The following GLIS3 variants were observed in gnomAD, a reference collection of about 807,000 sequenced individuals.
GLIS3 encodes GLIS family zinc finger 3.
Under a neutral mutation model 78.6 loss-of-function variants are expected in GLIS3, and 53 were observed. The observed-to-expected ratio is 0.67, with a 90% CI of 0.54 to 0.85. The LOEUF (loss-of-function observed/expected upper bound fraction) is 0.85, where lower values mean the gene tolerates loss of function less well. Ranked by LOEUF, GLIS3 falls within the 40% of genes least tolerant of loss-of-function variation. The pLI, the probability that GLIS3 is intolerant of heterozygous loss-of-function variation, is 0.00. For missense variants in GLIS3, 1,703 were observed against 1,231.1 expected (o/e 1.38, Z -5.74); for synonymous variants, 684 against 509.9 (o/e 1.34, Z -4.60).
the GLIS3 span, among the ~76,000 whole-genome samples, chr9:4,380,030 A>G: frequency 6.6e-6 from 1 of 152,180 alleles, no homozygotes; most frequent in African/African-American, 2.4e-5. Context: ...ACCATCCACA[A>G]GTCACCTACT....
the GLIS3 span, among the ~76,000 whole-genome samples, chr9:4,406,599 A>G: frequency 6.6e-6 from 1 of 152,226 alleles, no homozygotes; most frequent in East Asian, 1.9e-4. Flanking sequence ...TAAATTCAGT[A>G]AAGTTACAGG....
intron 6 of GLIS3, among the ~76,000 whole-genome samples, chr9:3,907,625 GAC>G (rs1009788837): frequency 1.2e-3 from 123 of 102,348 alleles, no homozygotes; most frequent in African/African-American, 4.1e-3. Flanking sequence ...CACACACACA[GAC>G]ACACACACAC....
the GLIS3 span, among the ~76,000 whole-genome samples, chr9:4,410,655 G>A: frequency 6.6e-6 from 1 of 152,186 alleles, no homozygotes; most frequent in Admixed American, 6.5e-5. Context: ...GGATGCTACA[G>A]AAATAGCAGC....
At position 4,140,943 on chromosome 9, in the gene GLIS3, C is replaced by T. The variant is rs137894873; in HGVS notation, c.389-15002G>A. ...CCTCCTGAGTAGCTGGGATTATCGG[C>T]GCGTGCCACCACGCTCAGCTAATTT... On this transcript the variant is annotated intron_variant, in intron 2 of 10. Transcript: ENST00000381971. 9.0e-3 allele frequency among the ~76,000 whole-genome samples: 1,371 copies of T among 152,132 alleles called. 21 individuals carry two copies. Among genetic ancestry groups the T allele is most frequent in the African/African-American group, 0.031 (1,282 of 41,504 alleles).
intron 4 of GLIS3, among the ~76,000 whole-genome samples, chr9:3,971,117 T>C (rs1332354886): frequency 1.3e-5 from 1 of 79,508 alleles, no homozygotes; most frequent in African/African-American, 4.5e-5. Flanking sequence ...GAAGGAAGGA[T>C]CGAAGGAAGG....
At chr9:4,470,652 G>A in the GLIS3 span, among the ~76,000 whole-genome samples, 1 of 151,944 alleles carries the variant, frequency 6.6e-6, no homozygotes, top group African/African-American at 2.4e-5. Context: ...ATATCATACT[G>A]AATGGGCAAA....
chr9:4,320,331 C>G (rs1817505656), intron 2 of GLIS3, among the ~76,000 whole-genome samples: 1 of 152,078 alleles, frequency 6.6e-6, no homozygotes, highest in Non-Finnish European at 1.5e-5. Flanking sequence ...AAAGTAAGAC[C>G]ATCACCTCTG....
At chr9:4,232,897 G>A (rs189864052) in intron 2 of GLIS3, among the ~76,000 whole-genome samples, 10 of 152,182 alleles carry the variant, frequency 6.6e-5, no homozygotes, top group African/African-American at 2.4e-4. Flanking sequence ...AGAGCAGACT[G>A]TTAATCTTAT....
intron 2 of GLIS3, among the ~76,000 whole-genome samples, chr9:4,314,205 T>C (rs1817405321): frequency 6.6e-6 from 1 of 152,238 alleles, no homozygotes; most frequent in Non-Finnish European, 1.5e-5. Context: ...TGTGAAATGA[T>C]ACTTAATACA....
At chr9:4,464,375 A>G in the GLIS3 span, among the ~76,000 whole-genome samples, 6 of 151,196 alleles carry the variant, frequency 4.0e-5, no homozygotes, top group East Asian at 1.2e-3. Context: ...TTTATTTTTT[A>G]TAATTTTATT....
chr9:4,394,029 A>G, the GLIS3 span, among the ~76,000 whole-genome samples: 1 of 152,170 alleles, frequency 6.6e-6, no homozygotes, highest in Non-Finnish European at 1.5e-5. Context: ...TAGAATTTGG[A>G]CTTGCTGAAC....
intron 2 of GLIS3, among the ~76,000 whole-genome samples, chr9:4,336,292 C>T (rs186585679): frequency 6.6e-6 from 1 of 152,314 alleles, no homozygotes; most frequent in East Asian, 1.9e-4. Context: ...TGAATACTTT[C>T]AGAGATCTCT....
chr9:4,438,660 G>A, the GLIS3 span, among the ~76,000 whole-genome samples: 1 of 152,322 alleles, frequency 6.6e-6, no homozygotes, highest in South Asian at 2.1e-4. Flanking sequence ...GACAGGTGAA[G>A]ATAATTGAGT....
At chr9:3,890,748 AAAC>A (rs752425739) in intron 7 of GLIS3, among the ~76,000 whole-genome samples, 227 of 149,482 alleles carry the variant, frequency 1.5e-3, no homozygotes, top group Non-Finnish European at 2.5e-3. Flanking sequence ...AAAACAAACC[AAAC>A]AACAACAACA....
At chr9:4,316,566 G>T (rs1404609871) in intron 2 of GLIS3, among the ~76,000 whole-genome samples, 3 of 152,110 alleles carry the variant, frequency 2.0e-5, no homozygotes, top group African/African-American at 2.4e-5. Context: ...GTTTTCTCTG[G>T]GTACTCCGGT....
rs182194286 is a variant in GLIS3 at position 3,909,161 on chromosome 9, C to T, written c.1984-10326G>A. On this transcript the variant is annotated intron_variant, in intron 6 of 10. Coordinates refer to ENST00000381971, the MANE Select transcript of GLIS3 (RefSeq NM_001042413.2). ...TTCCCCAGAGGGTTAAGGTTTATTA[C>T]TAGAACATTCTCATCAAGTGTTCTC... Among the ~76,000 whole-genome samples the T allele has an allele frequency of 6.7e-4, 102 of 152,326 alleles. 1 individual carries two copies. Among genetic ancestry groups the T allele is most frequent in the Non-Finnish European group, 1.1e-3 (76 of 68,022 alleles).
chr9:4,249,318 T>C (rs1824123484), intron 2 of GLIS3, among the ~76,000 whole-genome samples: 1 of 152,216 alleles, frequency 6.6e-6, no homozygotes, highest in Non-Finnish European at 1.5e-5. Flanking sequence ...TTTGTAGTTC[T>C]CTTTGAAGAG....
At chr9:3,981,772 G>A (rs751648724) in intron 4 of GLIS3, among the ~76,000 whole-genome samples, 1 of 152,128 alleles carries the variant, frequency 6.6e-6, no homozygotes, top group Non-Finnish European at 1.5e-5. Flanking sequence ...CTTTTCATGA[G>A]ACCTCTTGTA....
In GLIS3 at chr9:3,991,683, A is replaced by AATTTTTTTTTTTTTTTTTTTTTTT. The variant is rs1265317427; in HGVS notation, c.1711-54495_1711-54494insAAAAAAAAAAAAAAAAAAAAAAAT. 5.8e-4 allele frequency among the ~76,000 whole-genome samples: 51 copies of AATTTTTTTTTTTTTTTTTTTTTTT among 87,904 alleles called. 1 individual carries two copies. Among genetic ancestry groups the AATTTTTTTTTTTTTTTTTTTTTTT allele is most frequent in the East Asian group, 1.7e-3 (5 of 2,926 alleles). 57.7% of individuals were successfully genotyped at this position (87,904 alleles called of 152,430 possible). ...GTTCAGAATTTCATTAAGTAGGCTG[A>AATTTTTTTTTTTTTTTTTTTTTTT]TTTTTTTTTTTTTTTTTTTTTTTTT... On this transcript the variant is annotated intron_variant, in intron 4 of 10. Transcript: ENST00000381971.
Sources: allele counts gnomAD v4.1 joint callset (sites outside exome capture counted in the v4.1 genomes callset), GRCh38; gene constraint gnomAD v4.1.1; transcripts MANE v1.5; gene names NCBI Gene and HGNC (gene_info 2026-07-23, HGNC 2026-07-21).